PI4KA: variants seen among roughly 807,000 people sequenced by gnomAD.
The protein encoded by PI4KA is phosphatidylinositol 4-kinase alpha, also known as PI4-kinase alpha.
PI4KA carries 122 observed loss-of-function variants against 271.4 expected under a neutral mutation model. The ratio of observed to expected loss-of-function variants is 0.45; its 90% CI spans 0.39 to 0.52. The LOEUF is 0.52. PI4KA is among the 20% of genes least tolerant of loss of function. The pLI, the probability that PI4KA is intolerant of heterozygous loss-of-function variation, is 0.00. For missense variants in PI4KA, 1,969 were observed against 2,769.1 expected, an observed-to-expected ratio of 0.71 and a Z score of 6.48; for synonymous variants, 1,041 against 1,078.8, an observed-to-expected ratio of 0.96 and a Z score of 0.69.
At position 20,716,644 on chromosome 22, in the gene PI4KA, G is replaced by A. The variant is rs550259063; in HGVS notation, c.5317+1064C>T. 5.3e-5 allele frequency among the ~76,000 whole-genome samples: 8 copies of A among 152,240 alleles called. No individual in the cohort carries two copies. In the East Asian group the frequency reaches 1.5e-3, roughly 29 times the overall value. On this transcript the variant is annotated intron_variant, in intron 45 of 54. Coordinates refer to ENST00000255882, the MANE Select transcript of PI4KA (RefSeq NM_058004.4). ...GCCCTGCTGGCTTCCCTGACCTCTG[G>A]GGCAAGACTCAGCCAACACAATCTA...
chr22:20,841,361 C>T (rs1045499192), intron 1 of PI4KA, among the ~76,000 whole-genome samples: 6 of 152,164 alleles, frequency 3.9e-5, no homozygotes, highest in African/African-American at 1.4e-4. Flanking sequence ...GCATTTTTTA[C>T]CATCCTCAAT....
chr22:20,741,693 C>T (rs1196039676), intron 32 of PI4KA, among the ~76,000 whole-genome samples: 1 of 152,116 alleles, frequency 6.6e-6, no homozygotes, highest in East Asian at 1.9e-4. Context: ...TCAACTAATC[C>T]TAAGAAATAC....
intron 50 of PI4KA, chr22:20,712,205 G>A (rs990966211): frequency 4.6e-5 from 9 of 194,224 alleles, no homozygotes; most frequent in Non-Finnish European, 8.4e-5. Flanking sequence ...CTGCAGGCGC[G>A]TGCCACTATG....
chr22:20,832,055 G>C (rs1276631273), intron 3 of PI4KA, among the ~76,000 whole-genome samples: 1 of 151,154 alleles, frequency 6.6e-6, no homozygotes, highest in Admixed American at 6.6e-5. Context: ...TTGGAGAGCT[G>C]GTCTTTGAGC....
intron 19 of PI4KA, among the ~76,000 whole-genome samples, chr22:20,769,155 C>CA (rs937246825): frequency 1.2e-4 from 19 of 152,152 alleles, no homozygotes; most frequent in African/African-American, 4.6e-4. Flanking sequence ...CTGGGAAGTT[C>CA]AAAGTGGTTT....
intron 1 of PI4KA, among the ~76,000 whole-genome samples, chr22:20,854,664 T>C (rs920215409): frequency 6.6e-6 from 1 of 152,044 alleles, no homozygotes; most frequent in Non-Finnish European, 1.5e-5. Flanking sequence ...CTTCGCCAGG[T>C]CAACCCTATC....
At chr22:20,753,310 A>G (rs1930916854) in intron 23 of PI4KA, 130 bp from the exon 24 acceptor site, 2 of 779,930 alleles carry the variant, frequency 2.6e-6, no homozygotes, top group South Asian at 1.6e-5. Flanking sequence ...GCTCCCATAT[A>G]CCCTTCACCT....
chr22:20,807,368 TG>T lies in PI4KA; in HGVS notation c.1161del (p.Tyr387Ter). The T allele has an allele frequency of 6.2e-7, 1 of 1,600,014 alleles. No individual in the cohort carries two copies. Among genetic ancestry groups the T allele is most frequent in the Non-Finnish European group, 8.6e-7 (1 of 1,167,148 alleles). On this transcript the variant is annotated frameshift_variant, in exon 10 of 55. Coordinates refer to ENST00000255882, the MANE Select transcript of PI4KA (RefSeq NM_058004.4). LOFTEE classifies it high-confidence loss of function. ...ATGGGCAAACTGTCCTCACCCTTCA[TG>T]TAGTACAGAGTGTCACGCAGCATCT... is the stretch of plus-strand genomic sequence containing the variant. ...MFKMLRDTLY[Y>X]MKDLPTSFVK...
At chr22:20,841,515 AAAGC>A (rs1339920041) in intron 1 of PI4KA, among the ~76,000 whole-genome samples, 1 of 152,196 alleles carries the variant, frequency 6.6e-6, no homozygotes. Context: ...AATTACTTTA[AAAGC>A]CAGGCATAGC....
chr22:20,788,807 C>T (rs921229461), intron 19 of PI4KA, among the ~76,000 whole-genome samples: 1 of 152,230 alleles, frequency 6.6e-6, no homozygotes, highest in African/African-American at 2.4e-5. Flanking sequence ...CAACCTGCTT[C>T]ACCACTCTTC....
chr22:20,763,027 G>GGT (rs1569002144), intron 22 of PI4KA, among the ~76,000 whole-genome samples: 9 of 38,616 alleles, frequency 2.3e-4, no homozygotes, highest in Non-Finnish European at 3.1e-4. Context: ...TGGGGGGGGG[G>GGT]GGGGTTAGAG....
At chr22:20,726,266 G>C (rs1364060855) in intron 42 of PI4KA, 1 of 439,314 alleles carries the variant, frequency 2.3e-6, no homozygotes, top group Non-Finnish European at 4.0e-6. Flanking sequence ...GAACCGGCTC[G>C]CTCCACAGAG....
intron 42 of PI4KA, 50 bp downstream of exon 42, chr22:20,726,438 T>C (rs1180782428): frequency 7.4e-6 from 11 of 1,481,506 alleles, no homozygotes; most frequent in Non-Finnish European, 8.1e-6. Context: ...CAAGCTGGTG[T>C]GGAACACACT....
chr22:20,727,479 C>A (rs890217917), intron 40 of PI4KA, 82 bp from the exon 41 acceptor site: 3 of 1,307,864 alleles, frequency 2.3e-6, no homozygotes, highest in Non-Finnish European at 2.1e-6. Flanking sequence ...CACACAAGGA[C>A]GGCCATGAGA....
At chr22:20,777,034 T>A (rs71312787) in intron 19 of PI4KA, among the ~76,000 whole-genome samples, 1 of 109,128 alleles carries the variant, frequency 9.2e-6, no homozygotes, top group Admixed American at 9.9e-5. Flanking sequence ...CAAAAGGCAG[T>A]TTTTTTTTGT....
chr22:20,848,071 C>G (rs1240024245), intron 1 of PI4KA, among the ~76,000 whole-genome samples: 1 of 152,014 alleles, frequency 6.6e-6, no homozygotes, highest in African/African-American at 2.4e-5. Context: ...AACCCTGTCT[C>G]TGCTAAAAAT....
At chr22:20,749,782 C>G (rs1930476243) in intron 28 of PI4KA, 123 bp downstream of exon 28, 1 of 678,766 alleles carries the variant, frequency 1.5e-6, no homozygotes, top group Non-Finnish European at 2.7e-6. Flanking sequence ...AGGCCCTAGA[C>G]TGATGCTTCC....
chr22:20,742,936 C>A, intron 30 of PI4KA, 172 bp from the exon 31 acceptor site: 1 of 591,050 alleles, frequency 1.7e-6, no homozygotes, highest in Non-Finnish European at 3.0e-6. Flanking sequence ...CCACTGATCA[C>A]AGCTTTTTTT....
chr22:20,727,404 A>C lies in PI4KA; in HGVS notation c.4774-7T>G. 1 of 1,597,442 alleles carries C rather than the reference A, an allele frequency of 6.3e-7. No individual in the cohort carries two copies. On this transcript the variant is annotated splice_polypyrimidine_tract_variant and splice_region_variant and intron_variant, in intron 40 of 54. Transcript: ENST00000255882. ...TGTGCCAGGTGACCAGGAACTGCAG[A>C]GAAGGTGGGGAGATGCTGTGGCTTG... is the stretch of plus-strand genomic sequence containing the variant.
Sources: gnomAD v4.1 joint callset for allele counts (sites outside exome capture counted in the v4.1 genomes callset) on GRCh38, gnomAD v4.1.1 for gene constraint, MANE v1.5 for transcripts, NCBI Gene and HGNC (gene_info 2026-07-23, HGNC 2026-07-21) for gene names.